The following TSC2 variants were observed in gnomAD, a reference collection of about 807,000 sequenced individuals.
TSC2 encodes tuberin.
A neutral mutation model predicts 202.2 loss-of-function variants in TSC2; 29 were observed. That is an observed-to-expected ratio of 0.14 (90% CI 0.11 to 0.20). The LOEUF is 0.20. Ranked by LOEUF, TSC2 falls within the 10% of genes least tolerant of loss-of-function variation. The pLI, the probability that TSC2 is intolerant of heterozygous loss-of-function variation, is 1.00. For synonymous variants in TSC2, 1,349 were observed against 1,044.0 expected (o/e 1.29, Z -5.63); for missense variants, 2,429 against 2,420.0 (o/e 1.00, Z -0.08).
intron 32 of TSC2, chr16:2,083,001 C>G (rs1158865465): frequency 2.4e-6 from 1 of 420,846 alleles, no homozygotes; most frequent in Non-Finnish European, 4.8e-6. Flanking sequence ...AGTGCTGTGA[C>G]CTGCATGGTG....
intron 24 of TSC2, 33 bp downstream of exon 24, chr16:2,076,203 C>A: frequency 6.2e-7 from 1 of 1,612,644 alleles, no homozygotes; most frequent in South Asian, 1.1e-5. Context: ...CTGTGTCTCT[C>A]GGTAGGCCAG....
intron 13 of TSC2, 38 bp from the exon 14 acceptor site, chr16:2,062,934 G>T: frequency 6.5e-7 from 1 of 1,543,242 alleles, no homozygotes. Context: ...CTGTGGCCGG[G>T]CACTCCCCAC....
chr16:2,077,807 T>G, intron 26 of TSC2, 81 bp downstream of exon 26: 1 of 1,594,214 alleles, frequency 6.3e-7, no homozygotes, highest in Non-Finnish European at 8.5e-7. Flanking sequence ...TGGGGCTGCT[T>G]GCATGACCTC....
chr16:2,063,642 C>G lies in TSC2; in HGVS notation c.1443+589C>G, dbSNP rs114171110. ...GTCCTGCCCTCCTGAGAGCTGCCCA[C>G]TCTGCTCCTCTCCCCAGCGTCCACT... On this transcript the variant is annotated intron_variant, in intron 14 of 41. Coordinates refer to ENST00000219476, the MANE Select transcript of TSC2 (RefSeq NM_000548.5). 4.3e-3 allele frequency: 971 copies of G among 223,920 alleles called. 6 individuals carry two copies. The highest frequency in any genetic ancestry group is 0.021 in the African/African-American group (905 of 43,812). The allele number at this position is 223,920 out of a possible 1,614,324, so 13.9% of individuals were successfully genotyped here.
At chr16:2,058,095 C>G (rs2086116227) in intron 9 of TSC2, among the ~76,000 whole-genome samples, 1 of 147,732 alleles carries the variant, frequency 6.8e-6, no homozygotes, top group Admixed American at 6.7e-5. Context: ...AGCCCTGCCT[C>G]AGCCCTGCAT....
At position 2,061,991 on chromosome 16, in the gene TSC2, T is replaced by A. The variant is rs1057523509; in HGVS notation, c.1240T>A (p.Cys414Ser). 3.1e-6 allele frequency: 5 copies of A among 1,614,074 alleles called. No individual in the cohort carries two copies. The highest frequency in any genetic ancestry group is 4.2e-6 in the Non-Finnish European group (5 of 1,180,002). The change falls in exon 12 of 42, where the codon TGT (cysteine) becomes AGT (serine). Residue 414 changes from cysteine (C) to serine (S), a missense_variant. Transcript: ENST00000219476. ...GAGATACTTTGAACTGGTGGAGAGA[T>A]GTGCGGACCAGAGGCCTGTGAGACC... is the stretch of plus-strand genomic sequence containing the variant. ...QERYFELVERCADQRPESSLL... is the reference protein window; with the variant it reads ...QERYFELVERSADQRPESSLL...
rs760755415 is a variant in TSC2, at chr16:2,088,638, C to T, written c.*28C>T. On this transcript the variant is annotated 3_prime_UTR_variant, in exon 42 of 42. Transcript: ENST00000219476. ...CCGGGGCCCTCCCTCCTGCACTGGC[C>T]TTGGACGGTATTGCCTGTCAGTGAA... The T allele has an allele frequency of 2.3e-5, 37 of 1,591,748 alleles. No homozygotes were observed. Among genetic ancestry groups the T allele is most frequent in the Admixed American group, 1.4e-4 (8 of 58,652 alleles).
At chr16:2,076,845 G>A (rs948419389) in intron 25 of TSC2, among the ~76,000 whole-genome samples, 12 of 152,314 alleles carry the variant, frequency 7.9e-5, no homozygotes, top group Non-Finnish European at 1.3e-4. Flanking sequence ...AGCTTTAGGC[G>A]CCTGAGCCCC....
intron 16 of TSC2, among the ~76,000 whole-genome samples, chr16:2,066,888 C>T (rs2087457007): frequency 6.6e-6 from 1 of 152,038 alleles, no homozygotes; most frequent in African/African-American, 2.4e-5. Flanking sequence ...TCTTGAACTC[C>T]TGACCTCAGG....
At chr16:2,084,812 C>A in intron 34 of TSC2, 97 bp downstream of exon 34, 1 of 1,597,914 alleles carries the variant, frequency 6.3e-7, no homozygotes, top group Non-Finnish European at 8.5e-7. Context: ...GTGGGGTCCT[C>A]GCCTGTGCCC....
At chr16:2,072,406 G>GT (rs751358049) in intron 20 of TSC2, 43 bp downstream of exon 20, 40 of 1,611,540 alleles carry the variant, frequency 2.5e-5, no homozygotes, top group Non-Finnish European at 3.1e-5. Flanking sequence ...ACCCAGTAGG[G>GT]TTTTTCCCCA....
At chr16:2,056,903 AT>A in intron 8 of TSC2, 134 bp downstream of exon 8, 1 of 1,494,182 alleles carries the variant, frequency 6.7e-7, no homozygotes, top group Non-Finnish European at 9.2e-7. Flanking sequence ...GGCCAGTGTC[AT>A]TTTCCCAGGC....
Position 2,054,124 on chromosome 16 carries a change from C to A in TSC2, c.337-172C>A, listed in dbSNP as rs539676072. The A allele has an allele frequency of 8.5e-4, 881 of 1,032,556 alleles. 2 individuals are homozygous for A. Among genetic ancestry groups the A allele is most frequent in the South Asian group, 2.2e-3 (157 of 70,604 alleles). The allele number at this position is 1,032,556 out of a possible 1,614,324, so 64.0% of individuals were successfully genotyped here. A position where few individuals can be genotyped will look rare whatever the true frequency, so the allele number is the denominator to read the frequency against. ...CTCTGCGGTCGGCCGGTGCATCCGGCCCCCTGCCCTGTACAATGCTGATGC... is the reference window on the plus strand; with the variant it reads ...CTCTGCGGTCGGCCGGTGCATCCGGACCCCTGCCCTGTACAATGCTGATGC... On this transcript the variant is annotated intron_variant, in intron 4 of 41. Transcript: ENST00000219476.
intron 38 of TSC2, 90 bp downstream of exon 38, chr16:2,086,961 C>A (rs149393436): frequency 2.0e-6 from 3 of 1,532,058 alleles, no homozygotes; most frequent in African/African-American, 1.4e-5. Flanking sequence ...CCCTGAGCTT[C>A]GGTCACGAGG....
At chr16:2,072,730 G>C (rs1229009426) in intron 20 of TSC2, 119 bp from the exon 21 acceptor site, 8 of 1,539,928 alleles carry the variant, frequency 5.2e-6, no homozygotes, top group African/African-American at 1.4e-5. Flanking sequence ...AGGCAAGAAG[G>C]CTCCCCAGCC....
intron 25 of TSC2, chr16:2,077,319 C>T (rs891671746): frequency 6.4e-6 from 3 of 471,304 alleles, no homozygotes; most frequent in Non-Finnish European, 1.2e-5. Context: ...GACCCACACA[C>T]GTTTAATTTG....
chr16:2,074,127 G>C (rs2240689), intron 21 of TSC2, 73 bp from the exon 22 acceptor site: 1 of 1,590,214 alleles, frequency 6.3e-7, no homozygotes, highest in Non-Finnish European at 8.6e-7. Context: ...TGGAGCACTC[G>C]AGGTTGGCGA....
chr16:2,078,893 G>A (rs529723543), intron 26 of TSC2, 139 bp from the exon 27 acceptor site: 243 of 1,120,930 alleles, frequency 2.2e-4, no homozygotes, highest in Non-Finnish European at 2.7e-4. Flanking sequence ...GCTGAGGCTC[G>A]CTGGGCCGCC....
intron 26 of TSC2, among the ~76,000 whole-genome samples, chr16:2,078,020 G>C (rs1202116667): frequency 1.3e-5 from 2 of 152,234 alleles, no homozygotes; most frequent in African/African-American, 2.4e-5. Flanking sequence ...GTGTGGGTTG[G>C]GGGAGACACC....
Sources: gnomAD v4.1 joint callset for allele counts (sites outside exome capture counted in the v4.1 genomes callset) on GRCh38, gnomAD v4.1.1 for gene constraint, MANE v1.5 for transcripts, NCBI Gene and HGNC (gene_info 2026-07-23, HGNC 2026-07-21) for gene names.